LYPLA1: variants seen among roughly 807,000 people sequenced by gnomAD.
LYPLA1 encodes lysophospholipase 1.
Under a neutral mutation model 34.0 loss-of-function variants are expected in LYPLA1, and 17 were observed. The ratio of observed to expected loss-of-function variants is 0.50; its 90% confidence interval spans 0.34 to 0.75. The LOEUF is 0.75. LYPLA1 is among the 30% of genes least tolerant of loss of function. The pLI is 0.01. For missense variants in LYPLA1, 203 were observed against 288.8 expected (o/e 0.70, Z 2.15); for synonymous variants, 98 against 100.8 (o/e 0.97, Z 0.17).
At chr8:54,095,186 G>A (rs1015629433) in intron 2 of LYPLA1, among the ~76,000 whole-genome samples, 5 of 152,014 alleles carry the variant, frequency 3.3e-5, no homozygotes, top group Non-Finnish European at 7.4e-5. Context: ...TAGTAGAGAC[G>A]AGGTTTCGTC....
chr8:54,077,921 G>A (rs539592252), intron 2 of LYPLA1, among the ~76,000 whole-genome samples: 1 of 151,952 alleles, frequency 6.6e-6, no homozygotes, highest in Non-Finnish European at 1.5e-5. Context: ...TGGTTTCATG[G>A]GTGTAAGTAA....
intron 2 of LYPLA1, 117 bp from the exon 3 acceptor site, chr8:54,065,930 G>GT (rs376668037): frequency 1.7e-3 from 1,161 of 680,540 alleles, no homozygotes; most frequent in Non-Finnish European, 2.1e-3. Flanking sequence ...TAAAAATATG[G>GT]TTTTTTTTTG....
intron 2 of LYPLA1, among the ~76,000 whole-genome samples, chr8:54,099,685 C>G (rs1176518308): frequency 1.3e-5 from 2 of 152,066 alleles, no homozygotes; most frequent in African/African-American, 4.8e-5. Flanking sequence ...AAAATCTAGC[C>G]TAATGGCATT....
chr8:54,084,836 G>A (rs1296845862), intron 2 of LYPLA1, among the ~76,000 whole-genome samples: 14 of 152,066 alleles, frequency 9.2e-5, no homozygotes, highest in African/African-American at 2.4e-4. Context: ...TACCAAAAAC[G>A]GATTCAAGAA....
intron 5 of LYPLA1, among the ~76,000 whole-genome samples, chr8:54,056,728 C>T (rs771159124): frequency 4.6e-5 from 7 of 152,150 alleles, no homozygotes; most frequent in South Asian, 2.1e-4. Context: ...TCCTGCCCAA[C>T]GTGGTGAAAC....
chr8:54,055,649 T>A (rs1309192511), intron 5 of LYPLA1, among the ~76,000 whole-genome samples: 8 of 151,450 alleles, frequency 5.3e-5, no homozygotes, highest in Non-Finnish European at 7.4e-5. Flanking sequence ...CTAATTATTT[T>A]TTTTTTTTTT....
intron 2 of LYPLA1, among the ~76,000 whole-genome samples, chr8:54,092,249 AGAGAAG>A (rs1364513845): frequency 2.0e-5 from 3 of 148,206 alleles, no homozygotes; most frequent in Non-Finnish European, 4.5e-5. Flanking sequence ...GAAAGAAGGA[AGAGAAG>A]GAGAAGGAGG....
chr8:54,097,848 T>C lies in LYPLA1; in HGVS notation c.101+3060A>G, dbSNP rs549020429. Among the ~76,000 whole-genome samples the C allele has an allele frequency of 3.3e-5, 5 of 152,298 alleles. No homozygotes were observed. In the South Asian group the frequency reaches 1.0e-3, roughly 32 times the overall value. ...AGACATAGGAAGAGATTAACAATAA[T>C]AAAACAATTATAACAATATGACAAC... On this transcript the variant is annotated intron_variant, in intron 2 of 8. Transcript: ENST00000316963.
chr8:54,099,521 T>C (rs1195222881), intron 2 of LYPLA1, among the ~76,000 whole-genome samples: 1 of 151,962 alleles, frequency 6.6e-6, no homozygotes, highest in Non-Finnish European at 1.5e-5. Flanking sequence ...CTACTAAAAA[T>C]ACAAAAATTA....
chr8:54,054,959 T>C, intron 6 of LYPLA1, 101 bp downstream of exon 6: 1 of 715,956 alleles, frequency 1.4e-6, no homozygotes, highest in South Asian at 1.7e-5. Flanking sequence ...CAGTCAAGAT[T>C]CTATAACATC....
At chr8:54,067,280 G>C (rs2129336984) in intron 2 of LYPLA1, among the ~76,000 whole-genome samples, 1 of 152,310 alleles carries the variant, frequency 6.6e-6, no homozygotes, top group East Asian at 1.9e-4. Context: ...AGGACAGCTT[G>C]AGACCAGGAG....
intron 5 of LYPLA1, among the ~76,000 whole-genome samples, chr8:54,058,124 A>C (rs558964701): frequency 6.6e-6 from 1 of 152,308 alleles, no homozygotes; most frequent in Non-Finnish European, 1.5e-5. Context: ...TTGTACCTAA[A>C]AGTTGTCATT....
chr8:54,089,923 T>C (rs958489528), intron 2 of LYPLA1, among the ~76,000 whole-genome samples: 3 of 152,210 alleles, frequency 2.0e-5, no homozygotes, highest in Admixed American at 1.3e-4. Flanking sequence ...AAAGATGAAA[T>C]GCTCCTGATT....
In LYPLA1 at chr8:54,058,553, C is replaced by CA. The variant is rs796398727; in HGVS notation, c.287-3421dup. On this transcript the variant is annotated intron_variant, in intron 5 of 8. Coordinates refer to ENST00000316963, the MANE Select transcript of LYPLA1 (RefSeq NM_006330.4). ...AGCAAGACTCCATCTCAAAAACAAA[C>CA]AAAAAAAAACCAGAATAAATCTCTT... Among the ~76,000 whole-genome samples the CA allele has an allele frequency of 8.8e-4, 132 of 150,272 alleles. 1 individual carries two copies. Among genetic ancestry groups the CA allele is most frequent in the Middle Eastern group, 3.4e-3 (1 of 292 alleles).
At chr8:54,090,554 C>T (rs1809152553) in intron 2 of LYPLA1, among the ~76,000 whole-genome samples, 2 of 152,090 alleles carry the variant, frequency 1.3e-5, no homozygotes, top group South Asian at 4.1e-4. Context: ...AATCAAATGA[C>T]CCTAAATCCC....
intron 5 of LYPLA1, among the ~76,000 whole-genome samples, chr8:54,057,703 T>C (rs1806310591): frequency 2.0e-5 from 3 of 152,130 alleles, no homozygotes. Flanking sequence ...AGCTAGTTAA[T>C]GGGTACAAAA....
intron 2 of LYPLA1, among the ~76,000 whole-genome samples, chr8:54,076,151 T>A (rs1275764957): frequency 6.6e-6 from 1 of 151,988 alleles, no homozygotes; most frequent in African/African-American, 2.4e-5. Flanking sequence ...AACTATTAAA[T>A]GCTCTTAATA....
intron 2 of LYPLA1, among the ~76,000 whole-genome samples, chr8:54,068,766 G>A (rs1198792404): frequency 1.3e-5 from 2 of 152,138 alleles, no homozygotes; most frequent in East Asian, 1.9e-4. Flanking sequence ...CCTCAGATCT[G>A]GCAATTTCTT....
At position 54,085,848 on chromosome 8, in the gene LYPLA1, C is replaced by G. The variant is rs371914149; in HGVS notation, c.101+15060G>C. Among the ~76,000 whole-genome samples, 338 of 124,326 alleles carry G rather than the reference C, an allele frequency of 2.7e-3. 4 individuals are homozygous for G. Among genetic ancestry groups the G allele is most frequent in the Non-Finnish European group, 3.3e-3 (195 of 58,758 alleles). 81.6% of individuals were successfully genotyped at this position (124,326 alleles called of 152,430 possible). On this transcript the variant is annotated intron_variant, in intron 2 of 8. Transcript: ENST00000316963. ...CCCGGCCGGCCAGCCGCCCCGTCCG[C>G]GAGGTGGGGGGGGCGCCTCTGCCCA...
Sources: allele counts gnomAD v4.1 joint callset (sites outside exome capture counted in the v4.1 genomes callset), GRCh38; gene constraint gnomAD v4.1.1; transcripts MANE v1.5; gene names NCBI Gene and HGNC (gene_info 2026-07-23, HGNC 2026-07-21).